The following TSC22D1 variants were observed in gnomAD, a reference collection of about 807,000 sequenced individuals.
TSC22D1 encodes the protein TSC22 domain family protein 1.
A neutral mutation model predicts 74.2 loss-of-function variants in TSC22D1; 9 were observed. The ratio of observed to expected loss-of-function variants is 0.12; its 90% CI spans 0.07 to 0.21. The LOEUF is 0.21. TSC22D1 is among the 10% of genes least tolerant of loss of function. The probability of loss-of-function intolerance (pLI) is 1.00; values close to 1 mark genes in which losing one functional copy is unlikely to be tolerated. For missense variants in TSC22D1, 1,427 were observed against 1,304.7 expected (o/e 1.09, Z -1.44); for synonymous variants, 586 against 492.5 (o/e 1.19, Z -2.51).
At chr13:44,447,433 A>G (rs1875770797) in intron 1 of TSC22D1, among the ~76,000 whole-genome samples, 1 of 152,254 alleles carries the variant, frequency 6.6e-6, no homozygotes, top group African/African-American at 2.4e-5. Context: ...ATCATTATAT[A>G]AAATGCATTA....
At chr13:44,552,812 C>A (rs1289119525) in intron 1 of TSC22D1, among the ~76,000 whole-genome samples, 1 of 152,052 alleles carries the variant, frequency 6.6e-6, no homozygotes, top group Admixed American at 6.5e-5. Flanking sequence ...CATGGTGAAA[C>A]CCTGTCTCTA....
intron 1 of TSC22D1, among the ~76,000 whole-genome samples, chr13:44,485,152 C>T (rs1441152751): frequency 6.6e-6 from 1 of 152,012 alleles, no homozygotes. Flanking sequence ...AAGCTGACTC[C>T]AATCAAGACA....
At position 44,455,602 on chromosome 13, in the gene TSC22D1, T is replaced by C. The variant is rs1180178544; in HGVS notation, c.2913-19507A>G. Among the ~76,000 whole-genome samples the C allele has an allele frequency of 2.0e-5, 3 of 152,340 alleles. No individual in the cohort carries two copies. In the South Asian group the frequency reaches 6.2e-4, roughly 32 times the overall value. ...AACTTTCCCTGTCTGGAAGTACAAA[T>C]AAGTCAGGTCCTCCTGTAGAATCAT... On this transcript the variant is annotated intron_variant, in intron 1 of 2. Transcript: ENST00000458659.
intron 1 of TSC22D1, among the ~76,000 whole-genome samples, chr13:44,444,554 G>A (rs1595081469): frequency 6.6e-6 from 1 of 151,946 alleles, no homozygotes; most frequent in East Asian, 1.9e-4. Flanking sequence ...AGACTGCAGT[G>A]CAAAGAATAT....
At chr13:44,530,470 G>A (rs1390085261) in intron 1 of TSC22D1, among the ~76,000 whole-genome samples, 2 of 151,526 alleles carry the variant, frequency 1.3e-5, no homozygotes, top group African/African-American at 2.4e-5. Flanking sequence ...TAAAACAGGG[G>A]AAAATCTAGG....
chr13:44,573,434 T>G lies in TSC22D1; in HGVS notation c.2641A>C (p.Asn881His). The G allele has an allele frequency of 3.1e-6, 5 of 1,614,256 alleles. No homozygotes were observed. Among genetic ancestry groups the G allele is most frequent in the Non-Finnish European group, 4.2e-6 (5 of 1,180,040 alleles). ...TGTTGTGCCAAAGGCAAATTTGTAT[T>G]AGTTGCTATCAAGGGAGGTTGACTA... is the stretch of plus-strand genomic sequence containing the variant. ...SVSQPPLIAT[N>H]TNLPLAQQIP... Residue 881 changes from asparagine to histidine, a missense_variant, in exon 1 of 3, where the codon AAT becomes CAT. Physicochemically the swap from Asn to His is moderately conservative, Grantham distance 68. This residue lies in a region of TSC22D1 where 1,343 missense variants were observed against 1,191.5 expected (regional missense o/e 1.13). Coordinates refer to ENST00000458659, the MANE Select transcript of TSC22D1 (RefSeq NM_183422.4).
rs185011372 is a variant in TSC22D1 at position 44,456,562 on chromosome 13, G to A, written c.2913-20467C>T. On this transcript the variant is annotated intron_variant, in intron 1 of 2. Coordinates refer to ENST00000458659, the MANE Select transcript of TSC22D1 (RefSeq NM_183422.4). ...GTTCTCCAAGTCCCCACCCGACCCA[G>A]AAGCCCAGCCGGCTTCACCTTTCAC... is the stretch of plus-strand genomic sequence containing the variant. Among the ~76,000 whole-genome samples the A allele has an allele frequency of 1.1e-3, 169 of 152,318 alleles. 1 individual carries two copies. The highest frequency in any genetic ancestry group is 3.9e-3 in the African/African-American group (164 of 41,564).
chr13:44,482,778 A>C (rs879577175), intron 1 of TSC22D1, among the ~76,000 whole-genome samples: 2 of 152,218 alleles, frequency 1.3e-5, no homozygotes, highest in Non-Finnish European at 2.9e-5. Flanking sequence ...TTAGTTACTA[A>C]GATAAAAATA....
chr13:44,467,094 G>A (rs1877330562), intron 1 of TSC22D1, among the ~76,000 whole-genome samples: 1 of 151,892 alleles, frequency 6.6e-6, no homozygotes, highest in South Asian at 2.1e-4. Flanking sequence ...CACGGGAGGT[G>A]GAGGTTGCAG....
rs1390207793 is a variant in TSC22D1, at chr13:44,575,907, C to T, written c.168G>A (p.Glu56=). 1.2e-6 allele frequency: 2 copies of T among 1,613,916 alleles called. No homozygotes were observed. Among genetic ancestry groups the T allele is most frequent in the Non-Finnish European group, 1.7e-6 (2 of 1,179,988 alleles). ...TGVGSNATSS[E]DFPPPSLLQP... ...GAAGCAGCGACGGAGGCGGAAAATC[C>T]TCGGAAGATGTGGCATTACTACCGA... Residue 56 remains glutamate, a synonymous_variant, in exon 1 of 3, where the codon GAG becomes GAA. Transcript: ENST00000458659.
At position 44,436,545 on chromosome 13, in the gene TSC22D1, G is replaced by A. The variant is rs375824387; in HGVS notation, c.2913-450C>T. On this transcript the variant is annotated intron_variant, in intron 1 of 2. Coordinates refer to ENST00000458659, the MANE Select transcript of TSC22D1 (RefSeq NM_183422.4). ...CAGAAGCGTTTTCAGTCCCCAGCAA[G>A]GATGACAAGAAAGAAATTGAAAAAT... 8.1e-6 allele frequency: 13 copies of A among 1,614,146 alleles called. No homozygotes were observed. The South Asian group carries it at 1.3e-4, about 16-fold the overall frequency.
chr13:44,438,264 A>AT (rs1328062321), intron 1 of TSC22D1, among the ~76,000 whole-genome samples: 1 of 152,258 alleles, frequency 6.6e-6, no homozygotes, highest in South Asian at 2.1e-4. Flanking sequence ...GTCATCACAA[A>AT]TAATTCCAAC....
chr13:44,522,277 A>G (rs1237123467), intron 1 of TSC22D1, among the ~76,000 whole-genome samples: 1 of 152,184 alleles, frequency 6.6e-6, no homozygotes, highest in African/African-American at 2.4e-5. Flanking sequence ...GTTGGAAGAA[A>G]AGGTAGGGCC....
chr13:44,507,147 G>A (rs1469821368), intron 1 of TSC22D1, among the ~76,000 whole-genome samples: 1 of 152,164 alleles, frequency 6.6e-6, no homozygotes, highest in East Asian at 1.9e-4. Context: ...GCAGAGTTTA[G>A]ACTTTAAGAA....
chr13:44,435,586 G>C (rs1219143316), intron 2 of TSC22D1, among the ~76,000 whole-genome samples: 4 of 152,096 alleles, frequency 2.6e-5, no homozygotes, highest in African/African-American at 9.7e-5. Context: ...CATTGTGAAG[G>C]AGCCCGCGCC....
chr13:44,538,574 C>T (rs1881287122), intron 1 of TSC22D1: 1 of 985,246 alleles, frequency 1.0e-6, no homozygotes, highest in African/African-American at 1.7e-5. Context: ...CTCAAGCTTC[C>T]TCTATTTCAG....
chr13:44,560,279 A>C (rs1381504828), intron 1 of TSC22D1, among the ~76,000 whole-genome samples: 2 of 151,844 alleles, frequency 1.3e-5, no homozygotes, highest in East Asian at 3.9e-4. Flanking sequence ...AAAAAAATAA[A>C]AAGGTAATTA....
intron 1 of TSC22D1, among the ~76,000 whole-genome samples, chr13:44,569,384 A>C (rs1168970803): frequency 6.6e-6 from 1 of 152,202 alleles, no homozygotes; most frequent in Non-Finnish European, 1.5e-5. Context: ...ATAATCATCT[A>C]AAAGAGGTGA....
chr13:44,444,325 GA>G (rs1239268766), intron 1 of TSC22D1, among the ~76,000 whole-genome samples: 119 of 80,330 alleles, frequency 1.5e-3, no homozygotes, highest in African/African-American at 5.1e-3. Flanking sequence ...AAAAGAAAAA[GA>G]AAAAAAAACA....
Sources: allele counts gnomAD v4.1 joint callset (sites outside exome capture counted in the v4.1 genomes callset), GRCh38; gene constraint gnomAD v4.1.1; regional missense constraint gnomAD v4.1.1; transcripts MANE v1.5; gene names NCBI Gene and HGNC (gene_info 2026-07-23, HGNC 2026-07-21).